NUP210L: variants seen among roughly 807,000 people sequenced by gnomAD.
NUP210L encodes the protein nuclear pore membrane glycoprotein 210-like.
Under a neutral mutation model 208.5 loss-of-function variants are expected in NUP210L, and 74 were observed. That is an observed-to-expected ratio of 0.35 (90% CI 0.29 to 0.43). The LOEUF (loss-of-function observed/expected upper bound fraction) is 0.43, where lower values mean the gene tolerates loss of function less well. Ranked by LOEUF, NUP210L falls within the 20% of genes least tolerant of loss-of-function variation. NUP210L has a pLI of 1.00. For missense variants in NUP210L, 1,843 were observed against 2,289.4 expected (o/e 0.81, Z 3.98); for synonymous variants, 780 against 816.9 (o/e 0.95, Z 0.77).
rs34933362 is a variant in NUP210L at position 153,997,693 on chromosome 1, GT to G, written c.5387-2514del. On this transcript the variant is annotated intron_variant, in intron 37 of 39. Coordinates refer to ENST00000368559, the Ensembl canonical transcript of NUP210L. ...GCCCAGGCTGGTGATTACTGTATTTGTTTTTTTTTTTTTTTTTGAGACAGAG... is the reference window on the plus strand; with the variant it reads ...GCCCAGGCTGGTGATTACTGTATTTGTTTTTTTTTTTTTTTTGAGACAGAG... Among the ~76,000 whole-genome samples the G allele has an allele frequency of 3.0e-3, 351 of 117,658 alleles. 3 individuals carry two copies. The highest frequency in any genetic ancestry group is 0.019 in the Middle Eastern group (4 of 216). 77.2% of individuals were successfully genotyped at this position (117,658 alleles called of 152,430 possible). A position where few individuals can be genotyped will look rare whatever the true frequency, so the allele number is the denominator to read the frequency against.
intron 2 of NUP210L, among the ~76,000 whole-genome samples, chr1:154,146,627 C>A: frequency 8.8e-6 from 1 of 113,898 alleles, no homozygotes; most frequent in South Asian, 3.5e-4. Context: ...CCTCCCCCCC[C>A]CACCAAAAAA....
At chr1:154,103,588 C>T (rs1285290036) in intron 13 of NUP210L, among the ~76,000 whole-genome samples, 3 of 144,826 alleles carry the variant, frequency 2.1e-5, no homozygotes, top group South Asian at 2.2e-4. Context: ...AGGAGAATGG[C>T]GTGAACCCGG....
At chr1:154,136,189 C>T (rs1368466010) in intron 6 of NUP210L, among the ~76,000 whole-genome samples, 1 of 152,260 alleles carries the variant, frequency 6.6e-6, no homozygotes, top group East Asian at 1.9e-4. Flanking sequence ...GTGGTGGCTC[C>T]GCCTGTAATC....
At chr1:154,099,132 C>T (rs928689224) in intron 14 of NUP210L, among the ~76,000 whole-genome samples, 3 of 152,140 alleles carry the variant, frequency 2.0e-5, no homozygotes, top group Non-Finnish European at 4.4e-5. Flanking sequence ...CAGAAGGGGC[C>T]TTCCTGGGTT....
At chr1:154,149,514 C>G (rs1380558535) in intron 2 of NUP210L, among the ~76,000 whole-genome samples, 1 of 152,052 alleles carries the variant, frequency 6.6e-6, no homozygotes, top group Non-Finnish European at 1.5e-5. Flanking sequence ...AGTTCAAGAC[C>G]AGCCTGAGCA....
At chr1:154,089,333 G>T (rs1655782216) in intron 16 of NUP210L, 88 bp downstream of exon 16, 4 of 1,108,746 alleles carry the variant, frequency 3.6e-6, no homozygotes, top group Non-Finnish European at 5.3e-6. Flanking sequence ...TCTACTTCTG[G>T]ATATATACCC....
intron 1 of NUP210L, among the ~76,000 whole-genome samples, chr1:154,153,656 G>A (rs188947816): frequency 7.6e-4 from 116 of 152,052 alleles, no homozygotes; most frequent in African/African-American, 2.1e-3. Context: ...ATGTTGATCC[G>A]GCTGGTCTCA....
intron 27 of NUP210L, among the ~76,000 whole-genome samples, chr1:154,041,666 G>GA (rs745441733): frequency 8.0e-5 from 12 of 149,928 alleles, no homozygotes; most frequent in East Asian, 1.9e-4. Context: ...GAAAAGAAAA[G>GA]AAAAAAAAAC....
Position 154,121,927 on chromosome 1 carries a change from A to G in NUP210L, c.1327-3119T>C, listed in dbSNP as rs1049199134. 2.6e-4 allele frequency among the ~76,000 whole-genome samples: 39 copies of G among 152,062 alleles called. 1 individual carries two copies. Among genetic ancestry groups the G allele is most frequent in the African/African-American group, 9.4e-4 (39 of 41,420 alleles). On this transcript the variant is annotated intron_variant, in intron 10 of 39. Transcript: ENST00000368559. ...AAATTAAATCCAAACGAAGCAAAAG[A>G]AAGAGAATAATACAAAAGCATAAAT... is the stretch of plus-strand genomic sequence containing the variant.
At chr1:154,147,350 C>T (rs1471150325) in intron 2 of NUP210L, among the ~76,000 whole-genome samples, 1 of 151,776 alleles carries the variant, frequency 6.6e-6, no homozygotes, top group African/African-American at 2.4e-5. Context: ...CAACATCTGA[C>T]CAGTACTTTT....
intron 12 of NUP210L, among the ~76,000 whole-genome samples, chr1:154,112,486 T>C (rs1380690893): frequency 1.3e-5 from 2 of 152,172 alleles, no homozygotes; most frequent in Non-Finnish European, 2.9e-5. Flanking sequence ...CTTGAGGTGA[T>C]GTGATGGATA....
intron 27 of NUP210L, among the ~76,000 whole-genome samples, chr1:154,036,024 C>T (rs575443248): frequency 1.8e-4 from 28 of 152,116 alleles, no homozygotes; most frequent in African/African-American, 6.3e-4. Context: ...TGAGCCACCG[C>T]GCCTGGCCTA....
At chr1:154,144,008 C>T (rs910681047) in intron 2 of NUP210L, among the ~76,000 whole-genome samples, 5 of 151,834 alleles carry the variant, frequency 3.3e-5, no homozygotes, top group African/African-American at 1.2e-4. Context: ...GGTGAAACCC[C>T]GTCTCTACTA....
intron 35 of NUP210L, among the ~76,000 whole-genome samples, chr1:154,007,541 C>T (rs1650634598): frequency 6.6e-6 from 1 of 151,994 alleles, no homozygotes; most frequent in Non-Finnish European, 1.5e-5. Flanking sequence ...GGATTACAGG[C>T]GTGAGTCATC....
chr1:154,013,649 A>G (rs1426929605), intron 33 of NUP210L, among the ~76,000 whole-genome samples: 3 of 152,116 alleles, frequency 2.0e-5, no homozygotes, highest in African/African-American at 7.2e-5. Flanking sequence ...TCTTCAGGAC[A>G]TTTTCTCTTT....
chr1:154,092,071 A>ATTTTTTT (rs764216863), intron 15 of NUP210L, among the ~76,000 whole-genome samples: 1 of 124,614 alleles, frequency 8.0e-6, no homozygotes, highest in Non-Finnish European at 1.7e-5. Flanking sequence ...ATGGGGAGCC[A>ATTTTTTT]TTTTTTTTTT....
intron 16 of NUP210L, among the ~76,000 whole-genome samples, chr1:154,072,477 C>T (rs1026768566): frequency 1.3e-4 from 19 of 151,678 alleles, no homozygotes; most frequent in Non-Finnish European, 2.1e-4. Context: ...GGACTACAGG[C>T]GTCTGCCACC....
chr1:154,141,516 A>G, exon 4 of NUP210L: 1 of 1,604,744 alleles, frequency 6.2e-7, no homozygotes, highest in Non-Finnish European at 8.5e-7. Flanking sequence ...AAACTACTAA[A>G]AGTATTTCCT....
At chr1:154,044,942 A>G (rs1367261379) in intron 27 of NUP210L, among the ~76,000 whole-genome samples, 1 of 152,110 alleles carries the variant, frequency 6.6e-6, no homozygotes, top group East Asian at 1.9e-4. Context: ...CAAAACATCA[A>G]AGCTTTTTTT....
Sources: gnomAD v4.1 joint callset for allele counts (sites outside exome capture counted in the v4.1 genomes callset) on GRCh38, gnomAD v4.1.1 for gene constraint, MANE v1.5 for transcripts, NCBI Gene and HGNC (gene_info 2026-07-23, HGNC 2026-07-21) for gene names.